MTUS2: variants seen among roughly 807,000 people sequenced by gnomAD.
MTUS2 encodes microtubule associated scaffold protein 2.
In MTUS2, 40 loss-of-function variants were observed where a neutral mutation model predicts 114.1. That is an observed-to-expected ratio of 0.35 (90% confidence interval 0.27 to 0.46). MTUS2 has a LOEUF of 0.46. Among genes scored for constraint, MTUS2 ranks in the 20% least tolerant of loss-of-function variants. The pLI is 1.00. For synonymous variants in MTUS2, 688 were observed against 672.0 expected, an observed-to-expected ratio of 1.02 and a Z score of -0.37; for missense variants, 1,679 against 1,705.4, an observed-to-expected ratio of 0.98 and a Z score of 0.27.
intron 8 of MTUS2, among the ~76,000 whole-genome samples, chr13:29,411,156 G>T (rs1444026073): frequency 6.6e-6 from 1 of 152,200 alleles, no homozygotes; most frequent in African/African-American, 2.4e-5. Flanking sequence ...TGTTAAAAGA[G>T]AAATTCACTC....
intron 2 of MTUS2, among the ~76,000 whole-genome samples, chr13:28,888,869 CT>C (rs1476909606): frequency 6.6e-6 from 1 of 152,170 alleles, no homozygotes; most frequent in African/African-American, 2.4e-5. Context: ...GGGTTGCATC[CT>C]TTACATTTAG....
At chr13:28,951,119 CA>C (rs1353501812) in intron 2 of MTUS2, among the ~76,000 whole-genome samples, 2 of 152,058 alleles carry the variant, frequency 1.3e-5, no homozygotes, top group Non-Finnish European at 2.9e-5. Context: ...AAAAGAATCA[CA>C]AAAAATCAGC....
intron 2 of MTUS2, among the ~76,000 whole-genome samples, chr13:28,900,848 T>G (rs1315297808): frequency 6.6e-6 from 1 of 152,230 alleles, no homozygotes. Flanking sequence ...GCGCTTAACA[T>G]TCATGTGCAG....
At chr13:29,048,206 A>G (rs994964418) in intron 4 of MTUS2, among the ~76,000 whole-genome samples, 5 of 151,974 alleles carry the variant, frequency 3.3e-5, no homozygotes, top group African/African-American at 4.8e-5. Context: ...TTTTTTCTCT[A>G]CAGTTCTTAT....
chr13:29,236,593 G>A (rs922394119), intron 5 of MTUS2, among the ~76,000 whole-genome samples: 3 of 152,206 alleles, frequency 2.0e-5, no homozygotes, highest in Non-Finnish European at 4.4e-5. Context: ...TTCAGTATTA[G>A]GATAGTTACA....
chr13:28,879,293 A>G (rs1878143878), intron 2 of MTUS2, among the ~76,000 whole-genome samples: 3 of 152,140 alleles, frequency 2.0e-5, no homozygotes, highest in South Asian at 2.1e-4. Flanking sequence ...GATAGTTTCA[A>G]AAAAGAATAT....
chr13:28,935,364 T>C (rs894388605), intron 2 of MTUS2, among the ~76,000 whole-genome samples: 1 of 152,164 alleles, frequency 6.6e-6, no homozygotes, highest in Admixed American at 6.5e-5. Context: ...TATGTTGAGT[T>C]TTAGGAGAGA....
intron 5 of MTUS2, among the ~76,000 whole-genome samples, chr13:29,121,186 TG>T (rs1362841349): frequency 6.6e-6 from 1 of 152,222 alleles, no homozygotes; most frequent in Non-Finnish European, 1.5e-5. Context: ...TATCTTAGGA[TG>T]AGCTCAACAG....
chr13:29,281,895 T>C (rs768563486), intron 6 of MTUS2, 30 bp downstream of exon 6: 25 of 1,544,276 alleles, frequency 1.6e-5, no homozygotes, highest in African/African-American at 4.1e-5. Context: ...AGAGGCTCCA[T>C]GGTGGAGTGC....
At chr13:29,095,641 A>G (rs924833783) in intron 4 of MTUS2, among the ~76,000 whole-genome samples, 1 of 151,894 alleles carries the variant, frequency 6.6e-6, no homozygotes, top group African/African-American at 2.4e-5. Flanking sequence ...CATCTCTCTG[A>G]GGCTCCACTT....
At chr13:28,937,606 C>T (rs1376657680) in intron 2 of MTUS2, among the ~76,000 whole-genome samples, 7 of 151,798 alleles carry the variant, frequency 4.6e-5, no homozygotes, top group Non-Finnish European at 8.8e-5. Flanking sequence ...CAACTCTGGA[C>T]ACAGTTTCAC....
intron 2 of MTUS2, among the ~76,000 whole-genome samples, chr13:28,969,432 A>G (rs929658598): frequency 2.6e-5 from 4 of 152,070 alleles, no homozygotes; most frequent in African/African-American, 9.7e-5. Context: ...CCTTCTAGTT[A>G]TTTGAAACCA....
At chr13:29,053,388 G>T (rs1008048292) in intron 4 of MTUS2, among the ~76,000 whole-genome samples, 7 of 152,150 alleles carry the variant, frequency 4.6e-5, no homozygotes, top group Non-Finnish European at 7.4e-5. Flanking sequence ...TTGTTTATCA[G>T]CAAGATGACA....
At chr13:28,825,721 C>A (rs1407655044) in intron 1 of MTUS2, among the ~76,000 whole-genome samples, 3 of 152,162 alleles carry the variant, frequency 2.0e-5, no homozygotes, top group Admixed American at 6.6e-5. Flanking sequence ...GGTATGGAAC[C>A]AGGATGGGAT....
chr13:29,131,279 C>A (rs1891751022), intron 5 of MTUS2, among the ~76,000 whole-genome samples: 1 of 152,204 alleles, frequency 6.6e-6, no homozygotes, highest in African/African-American at 2.4e-5. Flanking sequence ...AGAAGCTGAG[C>A]CCTAGAGGTT....
At chr13:29,327,602 T>C (rs1411110881) in intron 7 of MTUS2, among the ~76,000 whole-genome samples, 1 of 152,250 alleles carries the variant, frequency 6.6e-6, no homozygotes, top group Non-Finnish European at 1.5e-5. Context: ...ATTATATAGA[T>C]ATCACTATTT....
rs145412032 is a variant in MTUS2, at chr13:29,444,575, T to G, written c.3184+4526T>G. 5.9e-5 allele frequency among the ~76,000 whole-genome samples: 9 copies of G among 152,312 alleles called. No homozygotes were observed. The East Asian group carries it at 1.7e-3, about 29-fold the overall frequency. Reference sequence around the variant, plus strand: ...TATTTGAAGGTGAGGCCTGGGCCATTTTTTTTAAAGCCCCCTTATTAAGTA... The same window carrying G: ...TATTTGAAGGTGAGGCCTGGGCCATGTTTTTTAAAGCCCCCTTATTAAGTA... On this transcript the variant is annotated intron_variant, in intron 9 of 15. Coordinates refer to ENST00000612955, the MANE Select transcript of MTUS2 (RefSeq NM_001033602.4).
intron 2 of MTUS2, among the ~76,000 whole-genome samples, chr13:28,994,051 C>A (rs961823707): frequency 1.3e-5 from 2 of 152,130 alleles, no homozygotes; most frequent in Non-Finnish European, 2.9e-5. Flanking sequence ...ATCCCTCCCC[C>A]CTCCTGCCAC....
intron 2 of MTUS2, among the ~76,000 whole-genome samples, chr13:28,953,520 T>C (rs1882913183): frequency 6.6e-6 from 1 of 152,206 alleles, no homozygotes; most frequent in Non-Finnish European, 1.5e-5. Flanking sequence ...AAAAGCTCTA[T>C]TGATATCAGC....
Sources: gnomAD v4.1 joint callset for allele counts (sites outside exome capture counted in the v4.1 genomes callset) on GRCh38, gnomAD v4.1.1 for gene constraint, MANE v1.5 for transcripts, NCBI Gene and HGNC (gene_info 2026-07-23, HGNC 2026-07-21) for gene names.